CAMTA1: variants seen among roughly 807,000 people sequenced by gnomAD.
The protein encoded by CAMTA1 is calmodulin-binding transcription activator 1.
Under a neutral mutation model 170.9 loss-of-function variants are expected in CAMTA1, and 27 were observed. The observed-to-expected ratio is 0.16, with a 90% CI of 0.12 to 0.22. CAMTA1 has a LOEUF of 0.22. Ranked by LOEUF, CAMTA1 falls within the 10% of genes least tolerant of loss-of-function variation. The pLI is 1.00. For missense variants in CAMTA1, 1,619 were observed against 2,217.2 expected (o/e 0.73, Z 5.42); for synonymous variants, 833 against 891.5 (o/e 0.93, Z 1.17).
Position 7,412,406 on chromosome 1 carries a change from C to T in CAMTA1, c.439-55424C>T, listed in dbSNP as rs2090845525. On this transcript the variant is annotated intron_variant, in intron 5 of 22. Transcript: ENST00000303635. ...TAAAAGTGTTCCTATTTCTCCACAT[C>T]CTCTCCAGCACCTGTTGTTTCCTGA... is the stretch of plus-strand genomic sequence containing the variant. 2.6e-5 allele frequency among the ~76,000 whole-genome samples: 4 copies of T among 151,792 alleles called. No homozygotes were observed. In the South Asian group the frequency reaches 8.3e-4, roughly 32 times the overall value.
At chr1:7,188,014 A>G (rs558003379) in intron 4 of CAMTA1, among the ~76,000 whole-genome samples, 13 of 152,334 alleles carry the variant, frequency 8.5e-5, no homozygotes, top group South Asian at 2.1e-4. Flanking sequence ...GAAACTTACA[A>G]TCATGGTGGA....
intron 5 of CAMTA1, among the ~76,000 whole-genome samples, chr1:7,419,844 C>T (rs1004341616): frequency 6.6e-6 from 1 of 152,112 alleles, no homozygotes; most frequent in Non-Finnish European, 1.5e-5. Context: ...TCTTCCTCTC[C>T]ACCCCCCACC....
chr1:7,665,714 C>CA lies in CAMTA1; in HGVS notation c.2652+524dup, dbSNP rs1013625367. Among the ~76,000 whole-genome samples the CA allele has an allele frequency of 3.3e-5, 5 of 149,452 alleles. No homozygotes were observed. The highest frequency in any genetic ancestry group is 2.0e-4 in the East Asian group (1 of 5,072). On this transcript the variant is annotated intron_variant, in intron 9 of 22. Transcript: ENST00000303635. This position sits in a 1 kb window ranked among gnomAD's most constrained non-coding sequence, Gnocchi z 4.3. ...CGGATGACAGAGTGAAACCCTGTCT[C>CA]AAAAAAAAAGAGAGAAAGTCAGGGT...
At chr1:7,239,923 A>G (rs1427634818) in intron 4 of CAMTA1, among the ~76,000 whole-genome samples, 2 of 152,086 alleles carry the variant, frequency 1.3e-5, no homozygotes, top group Non-Finnish European at 2.9e-5. Context: ...TTTTATTAAA[A>G]AAAAGCCACT....
At chr1:7,654,392 A>C (rs2095866038) in intron 7 of CAMTA1, among the ~76,000 whole-genome samples, 1 of 151,790 alleles carries the variant, frequency 6.6e-6, no homozygotes, top group Non-Finnish European at 1.5e-5. Context: ...AAAATAAATA[A>C]ATAAATATAT....
chr1:7,726,355 T>C (rs2096686275), intron 11 of CAMTA1, among the ~76,000 whole-genome samples: 1 of 152,178 alleles, frequency 6.6e-6, no homozygotes, highest in African/African-American at 2.4e-5. Context: ...CCCCGCAGGA[T>C]ACAAACTATA....
intron 6 of CAMTA1, among the ~76,000 whole-genome samples, chr1:7,638,004 G>GA (rs778547007): frequency 1.3e-3 from 203 of 152,342 alleles, no homozygotes; most frequent in Non-Finnish European, 2.4e-3. Context: ...GCGTTGGCAG[G>GA]AAAAAATCTG....
intron 3 of CAMTA1, among the ~76,000 whole-genome samples, chr1:7,000,639 C>A (rs1288767094): frequency 1.3e-5 from 2 of 152,208 alleles, no homozygotes; most frequent in Admixed American, 1.3e-4. Flanking sequence ...ATGATGTGGC[C>A]TCTCTTGGCT....
chr1:7,422,644 G>T lies in CAMTA1; in HGVS notation c.439-45186G>T, dbSNP rs187060334. Reference sequence around the variant, plus strand: ...TCTTTTACAGACAGGGAAAGTGGAGGTCAGAGAGGTTAAGACCAAGGCCAA... The same window carrying T: ...TCTTTTACAGACAGGGAAAGTGGAGTTCAGAGAGGTTAAGACCAAGGCCAA... On this transcript the variant is annotated intron_variant, in intron 5 of 22. Transcript: ENST00000303635. Among the ~76,000 whole-genome samples the T allele has an allele frequency of 1.0e-3, 159 of 152,298 alleles. 1 individual carries two copies. Among genetic ancestry groups the T allele is most frequent in the African/African-American group, 3.7e-3 (155 of 41,554 alleles).
At chr1:7,154,020 TGG>T (rs567154100) in intron 4 of CAMTA1, among the ~76,000 whole-genome samples, 7 of 152,160 alleles carry the variant, frequency 4.6e-5, no homozygotes, top group Non-Finnish European at 7.3e-5. Flanking sequence ...TGTGTGTACC[TGG>T]GGACAGTGGG....
chr1:6,937,511 AC>A (rs1685591317), intron 3 of CAMTA1, among the ~76,000 whole-genome samples: 1 of 93,868 alleles, frequency 1.1e-5, no homozygotes, highest in Non-Finnish European at 2.2e-5. Context: ...ACTTACTACC[AC>A]TATCATCACC....
Position 7,233,776 on chromosome 1 carries a change from G to A in CAMTA1, c.303-15715G>A, listed in dbSNP as rs143234322. Among the ~76,000 whole-genome samples the A allele has an allele frequency of 1.4e-3, 215 of 152,260 alleles. 1 individual carries two copies. The highest frequency in any genetic ancestry group is 4.9e-3 in the African/African-American group (202 of 41,552). On this transcript the variant is annotated intron_variant, in intron 4 of 22. Coordinates refer to ENST00000303635, the MANE Select transcript of CAMTA1 (RefSeq NM_015215.4). The stretch of plus-strand genomic sequence containing the variant: ...GCCCCGGGATCTAACCCCTCTGGAC[G>A]TGCAGTTCCCTTTGTCTGGAAGGCG...
chr1:7,451,169 C>G (rs2092815693), intron 5 of CAMTA1, among the ~76,000 whole-genome samples: 1 of 152,220 alleles, frequency 6.6e-6, no homozygotes, highest in African/African-American at 2.4e-5. Flanking sequence ...CCATCTCTCC[C>G]CGTCCCTGAC....
chr1:7,711,976 G>A (rs1473132198), intron 11 of CAMTA1, among the ~76,000 whole-genome samples: 2 of 152,042 alleles, frequency 1.3e-5, no homozygotes, highest in Non-Finnish European at 2.9e-5. Context: ...TTGCAGGAGA[G>A]AAATAATTAA....
intron 5 of CAMTA1, among the ~76,000 whole-genome samples, chr1:7,369,440 C>T (rs929735956): frequency 2.0e-5 from 3 of 152,174 alleles, no homozygotes; most frequent in Admixed American, 1.3e-4. Context: ...CCATAATTCA[C>T]TGAAGGACTC....
intron 5 of CAMTA1, among the ~76,000 whole-genome samples, chr1:7,307,393 T>G (rs1009209486): frequency 1.3e-5 from 2 of 151,870 alleles, no homozygotes; most frequent in South Asian, 4.1e-4. Context: ...TATCTGAAAA[T>G]AGGGGCAGCT....
At chr1:7,498,888 G>A (rs553663584) in intron 6 of CAMTA1, among the ~76,000 whole-genome samples, 1 of 149,832 alleles carries the variant, frequency 6.7e-6, no homozygotes, top group East Asian at 2.0e-4. Context: ...GTGTAGAGAG[G>A]ATGGTGTGAG....
chr1:7,420,518 A>C (rs2149310904), intron 5 of CAMTA1, among the ~76,000 whole-genome samples: 1 of 152,136 alleles, frequency 6.6e-6, no homozygotes, highest in East Asian at 1.9e-4. Flanking sequence ...GTGAAGGACT[A>C]AGGGAGTGAA....
At chr1:7,627,080 G>A (rs1432904598) in intron 6 of CAMTA1, among the ~76,000 whole-genome samples, 1 of 152,146 alleles carries the variant, frequency 6.6e-6, no homozygotes, top group Non-Finnish European at 1.5e-5. Flanking sequence ...GGCAGGATGT[G>A]GATGGGGTGT....
Sources: gnomAD v4.1 joint callset for allele counts (sites outside exome capture counted in the v4.1 genomes callset) on GRCh38, gnomAD v4.1.1 for gene constraint, Gnocchi (gnomAD v3.1) non-coding constraint, MANE v1.5 for transcripts, NCBI Gene and HGNC (gene_info 2026-07-23, HGNC 2026-07-21) for gene names.